The following STT3B variants were observed in gnomAD, a reference collection of about 807,000 sequenced individuals.
The protein encoded by STT3B is STT3 oligosaccharyltransferase complex catalytic subunit B, also known as dolichyl-diphosphooligosaccharide--protein glycosyltransferase subunit STT3B.
A neutral mutation model predicts 96.8 loss-of-function variants in STT3B; 29 were observed. That is an observed-to-expected ratio of 0.30 (90% confidence interval 0.22 to 0.41). The LOEUF (loss-of-function observed/expected upper bound fraction) is 0.41. Among genes scored for constraint, STT3B ranks in the 10% least tolerant of loss-of-function variants. The probability of loss-of-function intolerance (pLI) is 1.00; values close to 1 mark genes in which losing one functional copy is unlikely to be tolerated. For missense variants in STT3B, 640 were observed against 1,022.3 expected, an observed-to-expected ratio of 0.63 and a Z score of 5.10; for synonymous variants, 367 against 360.0, an observed-to-expected ratio of 1.02 and a Z score of -0.22.
intron 1 of STT3B, among the ~76,000 whole-genome samples, chr3:31,555,131 AT>A (rs962448388): frequency 2.0e-5 from 3 of 152,146 alleles, no homozygotes; most frequent in Admixed American, 1.3e-4. Context: ...TCTGGTTAGA[AT>A]ATACTTGTTC....
At chr3:31,543,135 A>G (rs941232824) in intron 1 of STT3B, among the ~76,000 whole-genome samples, 1 of 151,760 alleles carries the variant, frequency 6.6e-6, no homozygotes, top group South Asian at 2.1e-4. Flanking sequence ...ACAATTGATC[A>G]TCTGTGTCTT....
intron 3 of STT3B, among the ~76,000 whole-genome samples, chr3:31,581,935 C>A (rs1363442239): frequency 1.3e-5 from 2 of 152,138 alleles, no homozygotes; most frequent in Non-Finnish European, 2.9e-5. Flanking sequence ...TTTTGTGTTT[C>A]TATTAATAGG....
chr3:31,580,311 T>G (rs994674556), intron 3 of STT3B, among the ~76,000 whole-genome samples: 3 of 152,172 alleles, frequency 2.0e-5, no homozygotes, highest in African/African-American at 7.2e-5. Flanking sequence ...AAGTCAGAAC[T>G]CCAAAAGAAG....
chr3:31,544,805 A>G lies in STT3B; in HGVS notation c.314+11493A>G, dbSNP rs556455411. The stretch of plus-strand genomic sequence containing the variant: ...AGCCTGGCCAACATGATGAAACCCT[A>G]TCTCTACTAGAAATACAAAAATTAG... On this transcript the variant is annotated intron_variant, in intron 1 of 15. Coordinates refer to ENST00000295770, the MANE Select transcript of STT3B (RefSeq NM_178862.3). 6.6e-5 allele frequency among the ~76,000 whole-genome samples: 10 copies of G among 152,202 alleles called. No individual in the cohort carries two copies. The East Asian group carries it at 1.2e-3, about 18-fold the overall frequency.
chr3:31,558,105 T>C (rs1027400935), intron 1 of STT3B, among the ~76,000 whole-genome samples: 3 of 152,240 alleles, frequency 2.0e-5, no homozygotes, highest in Middle Eastern at 3.2e-3. Context: ...TTTCCAAATA[T>C]AAGATCAGGT....
chr3:31,606,910 A>G (rs1251474759), intron 5 of STT3B, among the ~76,000 whole-genome samples: 3 of 152,212 alleles, frequency 2.0e-5, no homozygotes, highest in Non-Finnish European at 4.4e-5. Flanking sequence ...CCACAGGGGC[A>G]GAGCTGCCCA....
chr3:31,536,224 G>A (rs1211636853), intron 1 of STT3B, among the ~76,000 whole-genome samples: 1 of 152,030 alleles, frequency 6.6e-6, no homozygotes, highest in Non-Finnish European at 1.5e-5. Flanking sequence ...AGCTTTTCGG[G>A]GCTTTTAAAT....
intron 5 of STT3B, among the ~76,000 whole-genome samples, chr3:31,607,346 A>C (rs1699075670): frequency 6.6e-6 from 1 of 152,064 alleles, no homozygotes. Flanking sequence ...TCCCCACCCA[A>C]ATCTCATCTT....
chr3:31,580,252 A>C (rs1698353014), intron 3 of STT3B, among the ~76,000 whole-genome samples, 156 bp downstream of exon 3: 2 of 152,190 alleles, frequency 1.3e-5, no homozygotes, highest in Admixed American at 6.5e-5. Flanking sequence ...ATAACATTTT[A>C]AAATATGTTA....
intron 3 of STT3B, among the ~76,000 whole-genome samples, chr3:31,595,180 T>C (rs1460365500): frequency 1.3e-5 from 2 of 152,156 alleles, no homozygotes; most frequent in Non-Finnish European, 2.9e-5. Flanking sequence ...CTCTCTGAAA[T>C]GAGGGTCTTA....
chr3:31,616,627 A>G (rs1699312394), intron 6 of STT3B, among the ~76,000 whole-genome samples: 1 of 151,760 alleles, frequency 6.6e-6, no homozygotes, highest in Non-Finnish European at 1.5e-5. Context: ...CCTAAAATAT[A>G]GAGGAAAGGG....
intron 1 of STT3B, among the ~76,000 whole-genome samples, chr3:31,542,363 T>C (rs1697298968): frequency 6.6e-6 from 1 of 152,246 alleles, no homozygotes; most frequent in African/African-American, 2.4e-5. Flanking sequence ...GACTGTTTGC[T>C]GTATTGATAT....
intron 1 of STT3B, among the ~76,000 whole-genome samples, chr3:31,566,023 G>A (rs904749490): frequency 1.3e-5 from 2 of 152,170 alleles, no homozygotes; most frequent in African/African-American, 4.8e-5. Flanking sequence ...TACTTGTTTA[G>A]CATTTGAATC....
chr3:31,601,923 G>C (rs1346371921), intron 5 of STT3B, among the ~76,000 whole-genome samples: 1 of 152,154 alleles, frequency 6.6e-6, no homozygotes, highest in Non-Finnish European at 1.5e-5. Context: ...AGATCATGTA[G>C]CTAATAACGG....
intron 6 of STT3B, among the ~76,000 whole-genome samples, chr3:31,615,425 C>CA (rs1699284712): frequency 6.6e-6 from 1 of 151,820 alleles, no homozygotes; most frequent in Admixed American, 6.6e-5. Context: ...TTATTTGTAA[C>CA]ATCTGTACAC....
chr3:31,610,147 C>A (rs934216242), intron 5 of STT3B, among the ~76,000 whole-genome samples: 4 of 152,054 alleles, frequency 2.6e-5, no homozygotes, highest in Non-Finnish European at 5.9e-5. Context: ...TCTTACTATT[C>A]TTTATCCTGC....
chr3:31,607,807 C>T (rs764939820), intron 5 of STT3B, among the ~76,000 whole-genome samples: 2 of 151,564 alleles, frequency 1.3e-5, no homozygotes, highest in Non-Finnish European at 2.9e-5. Flanking sequence ...ATTAAGTTGC[C>T]CAGGGTGGTC....
At position 31,567,579 on chromosome 3, in the gene STT3B, T is replaced by C. The variant is rs564111102; in HGVS notation, c.315-8817T>C. 4.6e-5 allele frequency among the ~76,000 whole-genome samples: 7 copies of C among 152,346 alleles called. No individual in the cohort carries two copies. In the East Asian group the frequency reaches 9.6e-4, roughly 21 times the overall value. ...TCTAATTATTAATATTTCTTTCTGA[T>C]ACGGTGTCACTTTTAATGAGGACTG... On this transcript the variant is annotated intron_variant, in intron 1 of 15. Transcript: ENST00000295770.
rs565197451 is a variant in STT3B at position 31,587,056 on chromosome 3, C to T, written c.711+6960C>T. 1.1e-3 allele frequency among the ~76,000 whole-genome samples: 168 copies of T among 152,010 alleles called. 2 individuals carry two copies. In the South Asian group the frequency reaches 0.022, roughly 20 times the overall value. On this transcript the variant is annotated intron_variant, in intron 3 of 15. Transcript: ENST00000295770. ...TCATTTTTGCTTTAATTTTTCTGGG[C>T]GATCAGGTTAGTGACTTGATCTATT...
Sources: allele counts gnomAD v4.1 joint callset (sites outside exome capture counted in the v4.1 genomes callset), GRCh38; gene constraint gnomAD v4.1.1; transcripts MANE v1.5; gene names NCBI Gene and HGNC (gene_info 2026-07-23, HGNC 2026-07-21).